Variants in PSMD1 observed in about 807,000 individuals in gnomAD.
PSMD1 encodes the protein 26S proteasome non-ATPase regulatory subunit 1.
Under a neutral mutation model 119.0 loss-of-function variants are expected in PSMD1, and 18 were observed. That is an observed-to-expected ratio of 0.15 (90% confidence interval 0.10 to 0.22). The LOEUF (loss-of-function observed/expected upper bound fraction) is 0.22. PSMD1 is among the 10% of genes least tolerant of loss of function. The pLI, the probability that PSMD1 is intolerant of heterozygous loss-of-function variation, is 1.00. For missense variants in PSMD1, 702 were observed against 1,158.5 expected, an observed-to-expected ratio of 0.61 and a Z score of 5.72; for synonymous variants, 374 against 396.6, an observed-to-expected ratio of 0.94 and a Z score of 0.68.
At chr2:231,114,739 G>A (rs950416413) in intron 16 of PSMD1, among the ~76,000 whole-genome samples, 2 of 152,286 alleles carry the variant, frequency 1.3e-5, no homozygotes, top group African/African-American at 4.8e-5. Context: ...AATTTTAGGT[G>A]TGGATGTGAT....
chr2:231,122,640 A>T (rs1052662926), intron 16 of PSMD1, among the ~76,000 whole-genome samples: 5 of 152,156 alleles, frequency 3.3e-5, no homozygotes, highest in African/African-American at 1.2e-4. Context: ...TAGAGATGAT[A>T]TGCAGAAATC....
At chr2:231,080,083 T>A (rs1694270016) in intron 11 of PSMD1, 58 bp from the exon 12 acceptor site, 1 of 1,443,744 alleles carries the variant, frequency 6.9e-7, no homozygotes, top group African/African-American at 1.4e-5. Flanking sequence ...TAGAAAACAT[T>A]GTCTTTTTTC....
chr2:231,067,003 A>C lies in PSMD1; in HGVS notation c.402A>C (p.Val134=), dbSNP rs1223335276. Residue 134 remains valine, a synonymous_variant, in exon 5 of 25, where the codon GTA becomes GTC. Transcript: ENST00000308696. ...KPIDQRLEGI[V]NKMFQRCLDD... ...TTGACCAGAGATTGGAAGGCATCGT[A>C]AATAAAATGTTCCAGCGATGTCTAG... 5 of 1,613,792 alleles carry C rather than the reference A, an allele frequency of 3.1e-6. No individual in the cohort carries two copies. Among genetic ancestry groups the C allele is most frequent in the Non-Finnish European group, 4.2e-6 (5 of 1,179,900 alleles).
intron 5 of PSMD1, 80 bp from the exon 6 acceptor site, chr2:231,069,945 G>A (rs1389741097): frequency 6.0e-6 from 7 of 1,175,164 alleles, no homozygotes; most frequent in African/African-American, 1.6e-5. Flanking sequence ...AAAGAAGCAA[G>A]ATTAAAATAA....
chr2:231,093,425 G>A (rs74550427), intron 16 of PSMD1, among the ~76,000 whole-genome samples: 3,530 of 152,202 alleles, frequency 0.023, 133 homozygotes, highest in African/African-American at 0.077. Context: ...CTAGGAAGCC[G>A]CGTCGTCCGG....
intron 4 of PSMD1, among the ~76,000 whole-genome samples, chr2:231,066,313 A>G (rs1014759587): frequency 2.0e-5 from 3 of 152,208 alleles, no homozygotes; most frequent in Non-Finnish European, 2.9e-5. Flanking sequence ...GAGACAATTT[A>G]GACATAGTTC....
At position 231,170,535 on chromosome 2, in the gene PSMD1, T is replaced by A. The variant is rs1457652286; in HGVS notation, c.2716-31T>A. ...TTGTGGAGCACGCTTGAAATATGAG[T>A]GTACGCTTCTGCACGCCCCTGTGTT... is the stretch of plus-strand genomic sequence containing the variant. On this transcript the variant is annotated intron_variant, in intron 23 of 24. Coordinates refer to ENST00000308696, the MANE Select transcript of PSMD1 (RefSeq NM_002807.4). The surrounding 1 kb of genome is among the most constrained non-coding windows in gnomAD (Gnocchi z 4.1). The A allele has an allele frequency of 1.3e-6, 2 of 1,572,496 alleles. No homozygotes were observed. Among genetic ancestry groups the A allele is most frequent in the Non-Finnish European group, 1.7e-6 (2 of 1,160,918 alleles).
intron 16 of PSMD1, among the ~76,000 whole-genome samples, chr2:231,127,481 A>G (rs943297877): frequency 2.0e-5 from 3 of 152,036 alleles, no homozygotes; most frequent in Non-Finnish European, 4.4e-5. Context: ...CAGCCTCCCA[A>G]GTAGCTGGGA....
intron 19 of PSMD1, among the ~76,000 whole-genome samples, chr2:231,157,419 CTTTTCT>C: frequency 6.9e-6 from 1 of 144,664 alleles, no homozygotes; most frequent in South Asian, 2.2e-4. Flanking sequence ...CTCTGTTTGT[CTTTTCT>C]TTTTCTTTTT....
chr2:231,141,607 C>G (rs906616954), intron 17 of PSMD1, among the ~76,000 whole-genome samples: 2 of 150,432 alleles, frequency 1.3e-5, no homozygotes, highest in African/African-American at 4.9e-5. Flanking sequence ...TTAATAGAGA[C>G]TAGGTCTTGC....
chr2:231,090,824 A>G (rs1009413095), intron 16 of PSMD1, among the ~76,000 whole-genome samples: 1 of 152,196 alleles, frequency 6.6e-6, no homozygotes, highest in African/African-American at 2.4e-5. Flanking sequence ...TAACAAGAGA[A>G]CTAGAACTAG....
chr2:231,061,426 C>A, intron 2 of PSMD1, 116 bp downstream of exon 2: 2 of 815,596 alleles, frequency 2.5e-6, no homozygotes, highest in East Asian at 5.7e-5. Flanking sequence ...GGCTTGTACC[C>A]AGTTACTGTA....
At chr2:231,095,979 T>C (rs1354865504) in intron 16 of PSMD1, among the ~76,000 whole-genome samples, 2 of 152,220 alleles carry the variant, frequency 1.3e-5, no homozygotes, top group African/African-American at 2.4e-5. Flanking sequence ...GCCACTGTTC[T>C]ACCCAAGTTG....
At chr2:231,102,871 TTGTTA>T (rs1694901302) in intron 16 of PSMD1, among the ~76,000 whole-genome samples, 1 of 152,196 alleles carries the variant, frequency 6.6e-6, no homozygotes, top group Non-Finnish European at 1.5e-5. Context: ...TTTGTTATAT[TTGTTA>T]TATTTGTTAT....
chr2:231,153,478 A>G, intron 18 of PSMD1, 86 bp from the exon 19 acceptor site: 1 of 963,246 alleles, frequency 1.0e-6, no homozygotes, highest in Admixed American at 2.0e-5. Flanking sequence ...CTAACTCATT[A>G]TCATTGGAGC....
chr2:231,073,792 T>C (rs1344507942), intron 7 of PSMD1, among the ~76,000 whole-genome samples: 1 of 152,076 alleles, frequency 6.6e-6, no homozygotes, highest in Non-Finnish European at 1.5e-5. Context: ...ATTTCTATTT[T>C]TTTTGTTGGT....
intron 16 of PSMD1, among the ~76,000 whole-genome samples, chr2:231,126,141 T>C (rs1438515264): frequency 2.6e-5 from 4 of 152,150 alleles, no homozygotes; most frequent in Admixed American, 6.5e-5. Context: ...GGTGGCTCAT[T>C]CCTGTAATTC....
At chr2:231,133,265 TG>T (rs1463317865) in intron 16 of PSMD1, among the ~76,000 whole-genome samples, 1 of 152,098 alleles carries the variant, frequency 6.6e-6, no homozygotes, top group Non-Finnish European at 1.5e-5. Flanking sequence ...TTGTAGTTTT[TG>T]TAGAGACGGG....
At chr2:231,123,819 A>G (rs1695643090) in intron 16 of PSMD1, 9 of 1,308,256 alleles carry the variant, frequency 6.9e-6, no homozygotes, top group Non-Finnish European at 1.0e-5. Context: ...CATGGTTAGT[A>G]GCTAAGCTGC....
Sources: allele counts gnomAD v4.1 joint callset (sites outside exome capture counted in the v4.1 genomes callset), GRCh38; gene constraint gnomAD v4.1.1; non-coding constraint Gnocchi (gnomAD v3.1); transcripts MANE v1.5; gene names NCBI Gene and HGNC (gene_info 2026-07-23, HGNC 2026-07-21).